PPP4R3A: variants seen among roughly 807,000 people sequenced by gnomAD.
PPP4R3A encodes protein phosphatase 4 regulatory subunit 3A.
In PPP4R3A, 15 loss-of-function variants were observed where a neutral mutation model predicts 91.7. The ratio of observed to expected loss-of-function variants is 0.16; its 90% CI spans 0.11 to 0.25. The LOEUF (loss-of-function observed/expected upper bound fraction) is 0.25, where lower values mean the gene tolerates loss of function less well. PPP4R3A is among the 10% of genes least tolerant of loss of function. PPP4R3A has a pLI of 1.00. For missense variants in PPP4R3A, 623 were observed against 998.4 expected (o/e 0.62, Z 5.07); for synonymous variants, 377 against 348.7 (o/e 1.08, Z -0.91).
intron 14 of PPP4R3A, 43 bp from the exon 15 acceptor site, chr14:91,458,912 A>G (rs1051894580): frequency 2.5e-5 from 39 of 1,532,378 alleles, no homozygotes; most frequent in Non-Finnish European, 3.2e-5. Context: ...AAAATAAAAC[A>G]TATAAAAACA....
At position 91,510,137 on chromosome 14, in the gene PPP4R3A, G is replaced by C. The variant is rs1891703090; in HGVS notation, c.-490C>G. On this transcript the variant is annotated 5_prime_UTR_variant, in exon 1 of 15. Coordinates refer to ENST00000554943, the MANE Select transcript of PPP4R3A (RefSeq NM_001366432.2). ...CCCCCTGTTTTAAACGTCAGAAGCC[G>C]ACAGGCGCCTGATCCTGCTGCAACT... 1 of 170,990 alleles carries C rather than the reference G, an allele frequency of 5.8e-6. No homozygotes were observed. The allele number at this position is 170,990 out of a possible 1,614,324, so 10.6% of individuals were successfully genotyped here.
chr14:91,468,736 CTTT>C (rs66735873), intron 10 of PPP4R3A, among the ~76,000 whole-genome samples: 6 of 139,214 alleles, frequency 4.3e-5, no homozygotes, highest in East Asian at 2.2e-4. Context: ...ACATGCCACA[CTTT>C]TTTTTTTTAC....
chr14:91,500,724 T>C (rs1890895926), intron 1 of PPP4R3A, among the ~76,000 whole-genome samples: 1 of 152,154 alleles, frequency 6.6e-6, no homozygotes, highest in Admixed American at 6.5e-5. Context: ...ATTACTGACT[T>C]TTAAAACTTA....
At chr14:91,490,937 C>T (rs35166291) in intron 1 of PPP4R3A, 135 bp from the exon 2 acceptor site, 5,316 of 344,834 alleles carry the variant, frequency 0.015, 60 homozygotes, top group Admixed American at 0.019. Context: ...CAGGGCTTCT[C>T]TCTGTCGCCC....
chr14:91,463,633 CTT>C (rs1888298683), intron 11 of PPP4R3A, among the ~76,000 whole-genome samples: 1 of 151,774 alleles, frequency 6.6e-6, no homozygotes, highest in East Asian at 1.9e-4. Context: ...GAGATGGGGT[CTT>C]GATATGTTGC....
intron 1 of PPP4R3A, among the ~76,000 whole-genome samples, chr14:91,503,604 T>C (rs924975214): frequency 2.0e-5 from 3 of 152,060 alleles, no homozygotes; most frequent in Admixed American, 6.6e-5. Flanking sequence ...TCAGGAAGAA[T>C]AGCTAATGGA....
At chr14:91,488,717 C>T (rs1286646796) in intron 2 of PPP4R3A, among the ~76,000 whole-genome samples, 1 of 151,930 alleles carries the variant, frequency 6.6e-6, no homozygotes, top group Non-Finnish European at 1.5e-5. Flanking sequence ...TATTTTCCCT[C>T]AAAATAGCAT....
At chr14:91,485,025 T>C (rs1334576563) in intron 3 of PPP4R3A, among the ~76,000 whole-genome samples, 1 of 152,146 alleles carries the variant, frequency 6.6e-6, no homozygotes, top group Non-Finnish European at 1.5e-5. Flanking sequence ...AGTACAAGGG[T>C]GGGTTTTCTT....
intron 11 of PPP4R3A, 109 bp downstream of exon 11, chr14:91,465,141 T>C (rs980730290): frequency 1.4e-5 from 12 of 866,458 alleles, no homozygotes; most frequent in Non-Finnish European, 2.0e-5. Context: ...TTTTTTTTTT[T>C]TTTAAATCTC....
In PPP4R3A at chr14:91,465,344, A is replaced by G; in HGVS notation, c.1736T>C (p.Leu579Ser). 6.2e-7 allele frequency: 1 copy of G among 1,609,272 alleles called. No individual in the cohort carries two copies. The highest frequency in any genetic ancestry group is 8.5e-7 in the Non-Finnish European group (1 of 1,178,776). Residue 579 changes from leucine (L) to serine (S), a missense_variant, in exon 11 of 15, where the codon TTG becomes TCG. Physicochemically the swap from Leu to Ser is moderately radical, Grantham distance 145. Around this residue, in one of 5 missense-constraint regions of PPP4R3A, gnomAD observed 87 missense variants for 233.9 expected, o/e 0.37. Coordinates refer to ENST00000554943, the MANE Select transcript of PPP4R3A (RefSeq NM_001366432.2). The part of the protein sequence containing the change: ...FYNRYIMKSF[L>S]FEPVVKAFLN... Reference sequence around the variant, plus strand: ...AAATGCTTTCACTACTGGTTCAAACAAAAAACTTTTCATTATGTAGCGGTT... The same window carrying G: ...AAATGCTTTCACTACTGGTTCAAACGAAAAACTTTTCATTATGTAGCGGTT...
rs541510420 is a variant in PPP4R3A at position 91,480,984 on chromosome 14, A to G, written c.915+592T>C. Among the ~76,000 whole-genome samples the G allele has an allele frequency of 2.6e-5, 4 of 152,030 alleles. No individual in the cohort carries two copies. The East Asian group carries it at 7.7e-4, about 29-fold the overall frequency. On this transcript the variant is annotated intron_variant, in intron 4 of 14. Coordinates refer to ENST00000554943, the MANE Select transcript of PPP4R3A (RefSeq NM_001366432.2). The stretch of plus-strand genomic sequence containing the variant: ...CAGGAGTTCAAGGTTGCAATAAGCT[A>G]TGGCTGTGCCACTGCACTCCAGCCT...
intron 2 of PPP4R3A, 135 bp downstream of exon 2, chr14:91,490,611 AG>A (rs1872242186): frequency 6.1e-6 from 4 of 654,796 alleles, no homozygotes; most frequent in Non-Finnish European, 1.0e-5. Flanking sequence ...AGGAATTGGC[AG>A]AAATCCTATT....
rs1157287724 is a variant in PPP4R3A, at chr14:91,461,549, G to A, written c.2223C>T (p.Ser741=). The change falls in exon 14 of 15, where the codon AGC becomes AGT. Residue 741 remains serine, a synonymous_variant. Coordinates refer to ENST00000554943, the MANE Select transcript of PPP4R3A (RefSeq NM_001366432.2). The stretch of plus-strand genomic sequence containing the variant: ...TGGACAGGGAAAGCTTGAAACTTGG[G>A]CTCTGCCGTCCAGAAAGGTTTGTTT... The part of the protein sequence containing the change: ...LLKTNLSGRQ[S]PSFKLSLSSG... The A allele has an allele frequency of 1.9e-6, 3 of 1,613,882 alleles. No homozygotes were observed. The African/African-American group carries it at 4.0e-5, about 22-fold the overall frequency.
intron 1 of PPP4R3A, among the ~76,000 whole-genome samples, chr14:91,492,180 T>C (rs558396851): frequency 1.3e-5 from 2 of 152,330 alleles, no homozygotes; most frequent in Non-Finnish European, 2.9e-5. Flanking sequence ...TGACTTCCCA[T>C]ACCCCTCTCC....
chr14:91,489,663 T>C (rs996284886), intron 2 of PPP4R3A, among the ~76,000 whole-genome samples: 1 of 152,220 alleles, frequency 6.6e-6, no homozygotes, highest in Non-Finnish European at 1.5e-5. Context: ...TTCAGCTGAA[T>C]ACAACTTCAA....
chr14:91,507,502 T>C (rs913127311), intron 1 of PPP4R3A, among the ~76,000 whole-genome samples: 1 of 139,258 alleles, frequency 7.2e-6, no homozygotes, highest in Non-Finnish European at 1.5e-5. Context: ...ATATAGAATA[T>C]ATGCTATAAT....
At chr14:91,477,020 T>C (rs1889254329) in intron 4 of PPP4R3A, 34 bp from the exon 5 acceptor site, 1 of 1,487,966 alleles carries the variant, frequency 6.7e-7, no homozygotes. Context: ...ATTATGTTAA[T>C]GCTAAGATTG....
chr14:91,466,328 G>C, intron 10 of PPP4R3A: 1 of 985,810 alleles, frequency 1.0e-6, no homozygotes, highest in Non-Finnish European at 1.2e-6. Context: ...TTTCTTTGGA[G>C]ATCATGGAAG....
chr14:91,482,649 A>G (rs557339523), intron 3 of PPP4R3A, among the ~76,000 whole-genome samples: 1 of 152,344 alleles, frequency 6.6e-6, no homozygotes, highest in East Asian at 1.9e-4. Context: ...TCTGAGGTGA[A>G]GACCAAATAA....
Sources: gnomAD v4.1 joint callset for allele counts (sites outside exome capture counted in the v4.1 genomes callset) on GRCh38, gnomAD v4.1.1 for gene constraint, gnomAD v4.1.1 regional missense constraint, MANE v1.5 for transcripts, NCBI Gene and HGNC (gene_info 2026-07-23, HGNC 2026-07-21) for gene names.